GRIN3A: variants seen among roughly 807,000 people sequenced by gnomAD.
GRIN3A encodes glutamate ionotropic receptor NMDA type subunit 3A.
GRIN3A carries 47 observed loss-of-function variants against 92.4 expected under a neutral mutation model. The ratio of observed to expected loss-of-function variants is 0.51; its 90% CI spans 0.40 to 0.65. The LOEUF is 0.65. Ranked by LOEUF, GRIN3A falls within the 30% of genes least tolerant of loss-of-function variation. GRIN3A has a pLI of 0.00. For synonymous variants in GRIN3A, 527 were observed against 540.6 expected (o/e 0.97, Z 0.35); for missense variants, 1,324 against 1,393.1 (o/e 0.95, Z 0.79).
intron 1 of GRIN3A, among the ~76,000 whole-genome samples, chr9:101,693,267 ATATATT>A (rs1192520381): frequency 4.3e-4 from 57 of 133,586 alleles, no homozygotes; most frequent in African/African-American, 1.4e-3. Context: ...ATATATATAT[ATATATT>A]GCACGGAGGG....
At chr9:101,620,611 T>C (rs1828536886) in intron 5 of GRIN3A, among the ~76,000 whole-genome samples, 1 of 152,172 alleles carries the variant, frequency 6.6e-6, no homozygotes, top group Non-Finnish European at 1.5e-5. Context: ...GTGAGTGAAT[T>C]AGGTACCTAT....
intron 1 of GRIN3A, among the ~76,000 whole-genome samples, chr9:101,705,618 C>T (rs1370004785): frequency 6.6e-6 from 1 of 152,228 alleles, no homozygotes; most frequent in Non-Finnish European, 1.5e-5. Flanking sequence ...CTGCGTGCTC[C>T]CCCTCGTCTC....
At chr9:101,703,558 C>A (rs1424139960) in intron 1 of GRIN3A, among the ~76,000 whole-genome samples, 1 of 152,120 alleles carries the variant, frequency 6.6e-6, no homozygotes, top group Non-Finnish European at 1.5e-5. Flanking sequence ...CTAAACAATT[C>A]CTCACTACTA....
chr9:101,700,508 C>T (rs1469942719), intron 1 of GRIN3A, among the ~76,000 whole-genome samples: 2 of 152,164 alleles, frequency 1.3e-5, no homozygotes, highest in Non-Finnish European at 1.5e-5. Flanking sequence ...GCTGGAAATA[C>T]AGGCAAATCA....
At chr9:101,597,697 A>G (rs963225649) in intron 6 of GRIN3A, among the ~76,000 whole-genome samples, 1 of 152,234 alleles carries the variant, frequency 6.6e-6, no homozygotes, top group African/African-American at 2.4e-5. Context: ...AAACAACATC[A>G]AAAAAATAGA....
At chr9:101,618,525 A>T (rs1052181224) in intron 5 of GRIN3A, among the ~76,000 whole-genome samples, 13 of 152,208 alleles carry the variant, frequency 8.5e-5, no homozygotes, top group African/African-American at 2.7e-4. Flanking sequence ...TAGAATGGCA[A>T]TCATTAAAAA....
rs1197062088 is a variant in GRIN3A at position 101,571,498 on chromosome 9, G to A, written c.*1676C>T. The stretch of plus-strand genomic sequence containing the variant: ...TGAACTTATTGTAGGCATTCAAATT[G>A]GTTGGGGGTGGAACAATGAGTCCTG... On this transcript the variant is annotated 3_prime_UTR_variant, in exon 9 of 9. Coordinates refer to ENST00000361820, the MANE Select transcript of GRIN3A (RefSeq NM_133445.3). The A allele has an allele frequency of 6.6e-6, 1 of 152,170 alleles. No homozygotes were observed. The highest frequency in any genetic ancestry group is 2.4e-5 in the African/African-American group (1 of 41,442). 9.4% of individuals were successfully genotyped at this position (152,170 alleles called of 1,614,324 possible).
At chr9:101,622,463 C>A (rs955969266) in intron 5 of GRIN3A, among the ~76,000 whole-genome samples, 1 of 152,112 alleles carries the variant, frequency 6.6e-6, no homozygotes, top group East Asian at 1.9e-4. Context: ...ATATATCAAC[C>A]GTCATTCAGA....
chr9:101,711,995 C>G (rs1829885098), intron 1 of GRIN3A, among the ~76,000 whole-genome samples: 1 of 152,186 alleles, frequency 6.6e-6, no homozygotes, highest in Admixed American at 6.5e-5. Flanking sequence ...ACCAGCTGAG[C>G]AACACCCCTT....
Position 101,700,470 on chromosome 9 carries a change from C to T in GRIN3A, c.700-13270G>A, listed in dbSNP as rs183994466. On this transcript the variant is annotated intron_variant, in intron 1 of 8. Transcript: ENST00000361820. The stretch of plus-strand genomic sequence containing the variant: ...AATGCTGAAAGAATTCACAAAATTG[C>T]TCAAGTGTATACATGTCTGAGGCAC... 7.2e-5 allele frequency among the ~76,000 whole-genome samples: 11 copies of T among 152,252 alleles called. No homozygotes were observed. The Middle Eastern group carries it at 0.01, about 141-fold the overall frequency.
intron 2 of GRIN3A, among the ~76,000 whole-genome samples, chr9:101,678,839 C>A (rs1454551529): frequency 6.6e-6 from 1 of 152,172 alleles, no homozygotes; most frequent in Non-Finnish European, 1.5e-5. Flanking sequence ...CAAGCTGGCA[C>A]TTTTTTCTCT....
chr9:101,626,748 A>C (rs1588255589), intron 4 of GRIN3A, among the ~76,000 whole-genome samples: 1 of 152,326 alleles, frequency 6.6e-6, no homozygotes. Context: ...AACATCAAGG[A>C]CCTACTCTTT....
At chr9:101,728,550 C>G (rs1414826430) in intron 1 of GRIN3A, among the ~76,000 whole-genome samples, 1 of 152,158 alleles carries the variant, frequency 6.6e-6, no homozygotes, top group Admixed American at 6.5e-5. Context: ...AAAGCCATGT[C>G]AAATCTGCAT....
At chr9:101,730,266 T>C (rs1486572815) in intron 1 of GRIN3A, among the ~76,000 whole-genome samples, 1 of 152,178 alleles carries the variant, frequency 6.6e-6, no homozygotes, top group African/African-American at 2.4e-5. Context: ...CTCAGGGTTA[T>C]TTTGCTGGAG....
At chr9:101,621,562 C>T (rs890865685) in intron 5 of GRIN3A, among the ~76,000 whole-genome samples, 1 of 152,166 alleles carries the variant, frequency 6.6e-6, no homozygotes, top group Non-Finnish European at 1.5e-5. Flanking sequence ...GAGGGCTTTT[C>T]CATGCACCAT....
intron 6 of GRIN3A, among the ~76,000 whole-genome samples, chr9:101,610,269 C>T (rs1016328934): frequency 2.0e-5 from 3 of 152,216 alleles, no homozygotes; most frequent in Non-Finnish European, 4.4e-5. Context: ...GTTTCTATTA[C>T]ATGGTAGGAA....
Position 101,639,625 on chromosome 9 carries a change from A to T in GRIN3A, c.2353-11224T>A, listed in dbSNP as rs7028164. On this transcript the variant is annotated intron_variant, in intron 3 of 8. Coordinates refer to ENST00000361820, the MANE Select transcript of GRIN3A (RefSeq NM_133445.3). Reference sequence around the variant, plus strand: ...CTATAAATTTACCTCCAGTCTAGTGATGTAAGCCTTTTGGCACAGCTACTC... The same window carrying T: ...CTATAAATTTACCTCCAGTCTAGTGTTGTAAGCCTTTTGGCACAGCTACTC... 4.9e-3 allele frequency among the ~76,000 whole-genome samples: 749 copies of T among 152,348 alleles called. 5 individuals carry two copies. The highest frequency in any genetic ancestry group is 0.016 in the African/African-American group (686 of 41,584).
chr9:101,720,516 A>G (rs974518959), intron 1 of GRIN3A, among the ~76,000 whole-genome samples: 1 of 152,150 alleles, frequency 6.6e-6, no homozygotes, highest in African/African-American at 2.4e-5. Context: ...TCTGTTACAG[A>G]TGATGTTTAG....
intron 3 of GRIN3A, among the ~76,000 whole-genome samples, chr9:101,651,195 CTTAG>C (rs1829011187): frequency 6.6e-6 from 1 of 151,774 alleles, no homozygotes; most frequent in South Asian, 2.1e-4. Flanking sequence ...TAACTGCCAC[CTTAG>C]TTAGGGTCCT....
Sources: allele counts gnomAD v4.1 joint callset (sites outside exome capture counted in the v4.1 genomes callset), GRCh38; gene constraint gnomAD v4.1.1; transcripts MANE v1.5; gene names NCBI Gene and HGNC (gene_info 2026-07-23, HGNC 2026-07-21).